The following CGNL1 variants were observed in gnomAD, a reference collection of about 807,000 sequenced individuals.
The protein encoded by CGNL1 is cingulin-like protein 1.
A neutral mutation model predicts 141.2 loss-of-function variants in CGNL1; 132 were observed. That is an observed-to-expected ratio of 0.93 (90% CI 0.81 to 1.08). The LOEUF (loss-of-function observed/expected upper bound fraction) is 1.08. Among genes scored for constraint, CGNL1 ranks in the 50% least tolerant of loss-of-function variants. CGNL1 has a pLI of 0.00. For synonymous variants in CGNL1, 690 were observed against 622.1 expected (o/e 1.11, Z -1.63); for missense variants, 1,870 against 1,588.6 (o/e 1.18, Z -3.01).
At chr15:57,475,841 C>T (rs2152352143) in intron 8 of CGNL1, among the ~76,000 whole-genome samples, 1 of 152,204 alleles carries the variant, frequency 6.6e-6, no homozygotes, top group Non-Finnish European at 1.5e-5. Context: ...CCTTCACCAG[C>T]CCCCGAGCTA....
intron 7 of CGNL1, among the ~76,000 whole-genome samples, chr15:57,458,882 T>G (rs573075254): frequency 8.3e-4 from 126 of 152,380 alleles, no homozygotes; most frequent in Admixed American, 1.9e-3. Flanking sequence ...ACATTTCTTC[T>G]GAGCTTGTCA....
At chr15:57,436,538 T>C (rs2063107886) in intron 1 of CGNL1, among the ~76,000 whole-genome samples, 1 of 151,408 alleles carries the variant, frequency 6.6e-6, no homozygotes, top group African/African-American at 2.5e-5. Context: ...CTTAAGCTGC[T>C]ATGTGGGGAG....
chr15:57,465,044 G>A (rs1373481403), intron 8 of CGNL1, among the ~76,000 whole-genome samples: 1 of 152,042 alleles, frequency 6.6e-6, no homozygotes, highest in African/African-American at 2.4e-5. Context: ...GAGCCACTGT[G>A]CGCGGCTTCC....
intron 1 of CGNL1, among the ~76,000 whole-genome samples, chr15:57,403,047 G>A (rs1404465840): frequency 5.9e-5 from 9 of 152,200 alleles, no homozygotes; most frequent in African/African-American, 1.9e-4. Context: ...TGTCAGAAAA[G>A]GCCACCATTG....
At chr15:57,415,463 A>G (rs922914386) in intron 1 of CGNL1, among the ~76,000 whole-genome samples, 1 of 152,202 alleles carries the variant, frequency 6.6e-6, no homozygotes, top group Non-Finnish European at 1.5e-5. Context: ...AGAGCTGAGA[A>G]ATGCAGGTGG....
chr15:57,515,159 T>G (rs1356173391), intron 8 of CGNL1, among the ~76,000 whole-genome samples: 1 of 152,246 alleles, frequency 6.6e-6, no homozygotes, highest in Non-Finnish European at 1.5e-5. Context: ...ACATGTCCTC[T>G]TGCTGGTTTC....
At chr15:57,514,208 G>C (rs2030580392) in intron 8 of CGNL1, among the ~76,000 whole-genome samples, 1 of 152,040 alleles carries the variant, frequency 6.6e-6, no homozygotes, top group South Asian at 2.1e-4. Context: ...TTGGAGTGCA[G>C]TGGTCCCATC....
chr15:57,481,421 T>C (rs2063725000), intron 8 of CGNL1, among the ~76,000 whole-genome samples: 1 of 152,210 alleles, frequency 6.6e-6, no homozygotes, highest in Admixed American at 6.5e-5. Flanking sequence ...GGATGGTATA[T>C]AGATGGAATC....
intron 8 of CGNL1, among the ~76,000 whole-genome samples, chr15:57,512,528 G>A (rs1295681093): frequency 2.6e-5 from 4 of 152,126 alleles, no homozygotes; most frequent in Non-Finnish European, 4.4e-5. Context: ...AGGACTAAGT[G>A]TCTCAATACA....
intron 4 of CGNL1, among the ~76,000 whole-genome samples, chr15:57,443,887 A>G (rs1266334878): frequency 6.6e-6 from 1 of 152,238 alleles, no homozygotes; most frequent in African/African-American, 2.4e-5. Context: ...TCTTGAACAC[A>G]GGGGCTTTGG....
At chr15:57,506,676 G>A (rs1009691294) in intron 8 of CGNL1, among the ~76,000 whole-genome samples, 29 of 152,148 alleles carry the variant, frequency 1.9e-4, no homozygotes, top group African/African-American at 7.0e-4. Flanking sequence ...ACTAGCAGAG[G>A]TCACAAGCAA....
In CGNL1 at chr15:57,485,265, G is replaced by A. The variant is rs965761380; in HGVS notation, c.2403+23373G>A. Among the ~76,000 whole-genome samples the A allele has an allele frequency of 1.3e-5, 2 of 152,098 alleles. 1 individual carries two copies. The highest frequency in any genetic ancestry group is 1.3e-4 in the Admixed American group (2 of 15,258). On this transcript the variant is annotated intron_variant, in intron 8 of 18. Transcript: ENST00000281282. Reference sequence around the variant, plus strand: ...CGAGTCCATTTTGGTTAGAAAACCAGTCTGTATGATTTCAGTCCTTTTACA... The same window carrying A: ...CGAGTCCATTTTGGTTAGAAAACCAATCTGTATGATTTCAGTCCTTTTACA...
intron 10 of CGNL1, among the ~76,000 whole-genome samples, chr15:57,520,278 C>T (rs2031160423): frequency 6.6e-6 from 1 of 152,230 alleles, no homozygotes. Flanking sequence ...ACCAGATAGT[C>T]AGCTCCTTTT....
intron 1 of CGNL1, among the ~76,000 whole-genome samples, chr15:57,426,367 A>G (rs1263555200): frequency 1.3e-5 from 2 of 150,824 alleles, no homozygotes; most frequent in East Asian, 3.9e-4. Context: ...CTGGTCTTGA[A>G]CTCCTGACCT....
At chr15:57,430,766 C>A (rs982215392) in intron 1 of CGNL1, among the ~76,000 whole-genome samples, 1 of 152,170 alleles carries the variant, frequency 6.6e-6, no homozygotes, top group African/African-American at 2.4e-5. Context: ...GTTGCCCAGG[C>A]TGGAGTGCAG....
Position 57,447,591 on chromosome 15 carries a change from A to C in CGNL1, c.1804-3909A>C, listed in dbSNP as rs954996496. 3.3e-5 allele frequency among the ~76,000 whole-genome samples: 5 copies of C among 152,224 alleles called. No homozygotes were observed. The East Asian group carries it at 9.7e-4, about 29-fold the overall frequency. ...GTTAGATTTTGACTATGACGTGCCTAAGAGTGGTTTTTCTTTTATTTATTT... is the reference window on the plus strand; with the variant it reads ...GTTAGATTTTGACTATGACGTGCCTCAGAGTGGTTTTTCTTTTATTTATTT... On this transcript the variant is annotated intron_variant, in intron 4 of 18. Transcript: ENST00000281282.
chr15:57,457,780 C>T (rs778007600), intron 7 of CGNL1, among the ~76,000 whole-genome samples: 1 of 152,150 alleles, frequency 6.6e-6, no homozygotes, highest in Non-Finnish European at 1.5e-5. Flanking sequence ...CATTATCTCC[C>T]ACTGGGCTCC....
Position 57,516,775 on chromosome 15 carries a change from A to G in CGNL1, c.2404-5A>G. ...CCTTGTTCATTTGCTTTGTGTTTTT[A>G]ACAGAATGTCGAGGTCTTGGCGAGC... On this transcript the variant is annotated splice_polypyrimidine_tract_variant and splice_region_variant and intron_variant, in intron 8 of 18. Transcript: ENST00000281282. 1 of 1,613,828 alleles carries G rather than the reference A, an allele frequency of 6.2e-7. No homozygotes were observed. Among genetic ancestry groups the G allele is most frequent in the Non-Finnish European group, 8.5e-7 (1 of 1,179,872 alleles).
chr15:57,475,399 C>T (rs756445897), intron 8 of CGNL1, among the ~76,000 whole-genome samples: 2 of 152,002 alleles, frequency 1.3e-5, no homozygotes, highest in Non-Finnish European at 2.9e-5. Context: ...TCCTGACCTG[C>T]AAGAAAGGAC....
Sources: allele counts gnomAD v4.1 joint callset (sites outside exome capture counted in the v4.1 genomes callset), GRCh38; gene constraint gnomAD v4.1.1; transcripts MANE v1.5; gene names NCBI Gene and HGNC (gene_info 2026-07-23, HGNC 2026-07-21).